GMFB: variants seen among roughly 807,000 people sequenced by gnomAD.
The protein encoded by GMFB is GMF-beta.
GMFB carries 13 observed loss-of-function variants against 25.6 expected under a neutral mutation model. The ratio of observed to expected loss-of-function variants is 0.51; its 90% confidence interval spans 0.33 to 0.81. The LOEUF is 0.81. Ranked by LOEUF, GMFB falls within the 30% of genes least tolerant of loss-of-function variation. GMFB has a pLI of 0.02. For synonymous variants in GMFB, 57 were observed against 56.9 expected, an observed-to-expected ratio of 1.00 and a Z score of 0.00; for missense variants, 146 against 175.4, an observed-to-expected ratio of 0.83 and a Z score of 0.95.
rs1180929740 is a variant in GMFB at position 54,476,179 on chromosome 14, G to A, written c.*1909C>T. On this transcript the variant is annotated 3_prime_UTR_variant, in exon 7 of 7. Transcript: ENST00000358056. ...CTTTGCTCCTGTTAAAGACAGTAGC[G>A]GAACTAAGAGTGCTAACGTATGGCA... 4.0e-5 allele frequency: 6 copies of A among 148,476 alleles called. No homozygotes were observed. The highest frequency in any genetic ancestry group is 2.1e-4 in the South Asian group (1 of 4,788). 9.2% of individuals were successfully genotyped at this position (148,476 alleles called of 1,614,324 possible).
Position 54,488,914 on chromosome 14 carries a change from C to G in GMFB, c.3+11G>C, listed in dbSNP as rs773296215. The G allele has an allele frequency of 6.4e-6, 10 of 1,561,858 alleles. No individual in the cohort carries two copies. In the South Asian group the frequency reaches 8.2e-5, roughly 13 times the overall value. ...AGCCCTCCGGCCCCCGCCCTCCCAGCGGCAACTCACCATTTTCCTTCCGGC... is the reference window on the plus strand; with the variant it reads ...AGCCCTCCGGCCCCCGCCCTCCCAGGGGCAACTCACCATTTTCCTTCCGGC... On this transcript the variant is annotated intron_variant, in intron 1 of 6. Coordinates refer to ENST00000358056, the MANE Select transcript of GMFB (RefSeq NM_004124.3).
intron 1 of GMFB, chr14:54,488,713 C>T: frequency 2.0e-6 from 1 of 499,978 alleles, no homozygotes; most frequent in Non-Finnish European, 3.5e-6. Flanking sequence ...GCGGGTCCAC[C>T]CCGGGCCCAG....
chr14:54,480,849 G>A lies in GMFB; in HGVS notation c.283+25C>T, dbSNP rs1453172163. The A allele has an allele frequency of 3.4e-6, 4 of 1,160,372 alleles. No homozygotes were observed. In the East Asian group the frequency reaches 9.5e-5, roughly 28 times the overall value. The allele number at this position is 1,160,372 out of a possible 1,614,324, so 71.9% of individuals were successfully genotyped here. ...GCTTAATTGGATCTAAGCCAAATAT[G>A]TGTTATTTAAAGAAATTCACTTACC... On this transcript the variant is annotated intron_variant, in intron 5 of 6. Coordinates refer to ENST00000358056, the MANE Select transcript of GMFB (RefSeq NM_004124.3).
intron 3 of GMFB, 117 bp from the exon 4 acceptor site, chr14:54,481,575 A>G: frequency 1.5e-6 from 1 of 669,834 alleles, no homozygotes; most frequent in Non-Finnish European, 2.7e-6. Flanking sequence ...GCTACAAAAT[A>G]AAATTTTATC....
chr14:54,488,861 C>T (rs374062015), intron 1 of GMFB, 64 bp downstream of exon 1: 2 of 1,463,930 alleles, frequency 1.4e-6, no homozygotes, highest in African/African-American at 1.5e-5. Flanking sequence ...CTCCGGAAAC[C>T]GGGAAAACCC....
chr14:54,483,583 T>C (rs1200385517), intron 2 of GMFB, 88 bp downstream of exon 2: 1 of 697,224 alleles, frequency 1.4e-6, no homozygotes, highest in East Asian at 2.6e-5. Context: ...GTAACATTGC[T>C]TTCCAACGGT....
chr14:54,480,363 T>G (rs1016762193), intron 5 of GMFB: 18 of 158,428 alleles, frequency 1.1e-4, no homozygotes, highest in Non-Finnish European at 1.9e-4. Flanking sequence ...GTGAATGCAG[T>G]TTTTATTGCA....
intron 6 of GMFB, chr14:54,478,712 C>A (rs1426169468): frequency 6.6e-6 from 1 of 152,064 alleles, no homozygotes; most frequent in East Asian, 1.9e-4. Context: ...AGATGTGAAT[C>A]CTAAGTCCTA....
chr14:54,482,287 C>A, intron 2 of GMFB, 85 bp from the exon 3 acceptor site: 1 of 797,712 alleles, frequency 1.3e-6, no homozygotes, highest in Non-Finnish European at 2.1e-6. Context: ...CCTTTTTTTT[C>A]GGACATCTAA....
At chr14:54,483,162 G>A (rs573982913) in intron 2 of GMFB, 3 of 153,912 alleles carry the variant, frequency 1.9e-5, no homozygotes, top group Admixed American at 6.4e-5. Flanking sequence ...ACAGTGGGAG[G>A]AGCAATATGC....
At chr14:54,484,732 A>C (rs149757072) in intron 1 of GMFB, among the ~76,000 whole-genome samples, 18 of 152,290 alleles carry the variant, frequency 1.2e-4, no homozygotes, top group South Asian at 8.3e-4. Flanking sequence ...ACAACAACAA[A>C]AAAAAACTAT....
chr14:54,480,783 T>C (rs59955412), intron 5 of GMFB, 91 bp downstream of exon 5: 164,471 of 695,542 alleles, frequency 0.24, 22,283 homozygotes, highest in African/African-American at 0.45. Flanking sequence ...TCAACAATGT[T>C]CATCTTTAAA....
Position 54,479,825 on chromosome 14 carries a change from TC to T in GMFB, c.317del (p.Gly106GlufsTer6). 1 of 1,605,772 alleles carries T rather than the reference TC, an allele frequency of 6.2e-7. No individual in the cohort carries two copies. The highest frequency in any genetic ancestry group is 8.5e-7 in the Non-Finnish European group (1 of 1,172,874). On this transcript the variant is annotated frameshift_variant, in exon 6 of 7. Transcript: ENST00000358056. LOFTEE classifies it high-confidence loss of function. ...CTGTCTGGACTAGCTTATTCTTACT[TC>T]CAGCATACATCATCTGTTGTTCAGG... ...CKPEQQMMYAGSKNKLVQTAE... is the reference protein window; with the variant it reads ...CKPEQQMMYAXSKNKLVQTAE...
At chr14:54,486,618 T>C (rs1035563973) in intron 1 of GMFB, among the ~76,000 whole-genome samples, 1 of 152,094 alleles carries the variant, frequency 6.6e-6, no homozygotes, top group Non-Finnish European at 1.5e-5. Flanking sequence ...TAGCAAAAAA[T>C]TCCCATTTAG....
intron 6 of GMFB, 168 bp from the exon 7 acceptor site, chr14:54,478,327 C>G (rs2031668022): frequency 2.4e-6 from 1 of 419,246 alleles, no homozygotes; most frequent in Non-Finnish European, 4.3e-6. Flanking sequence ...CATGACTTAA[C>G]CTGTGTAAAT....
intron 1 of GMFB, 95 bp downstream of exon 1, chr14:54,488,830 G>A (rs2031825789): frequency 2.8e-6 from 3 of 1,056,122 alleles, no homozygotes; most frequent in African/African-American, 1.7e-5. Context: ...AGCCCTCCTG[G>A]GCGCTGCCCG....
intron 6 of GMFB, chr14:54,479,440 T>A (rs887709618): frequency 5.7e-6 from 1 of 175,352 alleles, no homozygotes; most frequent in Non-Finnish European, 1.2e-5. Context: ...CATTTTAGAC[T>A]ATGGTAAAGG....
At position 54,477,857 on chromosome 14, in the gene GMFB, A is replaced by G. The variant is rs1294621409; in HGVS notation, c.*231T>C. 16 of 363,146 alleles carry G rather than the reference A, an allele frequency of 4.4e-5. No individual in the cohort carries two copies. 22.5% of individuals were successfully genotyped at this position (363,146 alleles called of 1,614,324 possible). On this transcript the variant is annotated 3_prime_UTR_variant, in exon 7 of 7. Coordinates refer to ENST00000358056, the MANE Select transcript of GMFB (RefSeq NM_004124.3). ...TCACAAGAGTGCAAAAAGTCCCTGG[A>G]GAAAAGTAGTCCACCTAACAATTAC...
chr14:54,478,031 C>G lies in GMFB; in HGVS notation c.*57G>C. 1.4e-6 allele frequency: 1 copy of G among 724,382 alleles called. No individual in the cohort carries two copies. Among genetic ancestry groups the G allele is most frequent in the South Asian group, 2.0e-5 (1 of 50,358 alleles). The allele number at this position is 724,382 out of a possible 1,614,324, so 44.9% of individuals were successfully genotyped here. A position where few individuals can be genotyped will look rare whatever the true frequency, so the allele number is the denominator to read the frequency against. On this transcript the variant is annotated 3_prime_UTR_variant, in exon 7 of 7. Coordinates refer to ENST00000358056, the MANE Select transcript of GMFB (RefSeq NM_004124.3). Reference sequence around the variant, plus strand: ...TTTAGGCATAAATAAGTATTTATGTCTGATTCCAGTATGGTCAGGTTAATA... The same window carrying G: ...TTTAGGCATAAATAAGTATTTATGTGTGATTCCAGTATGGTCAGGTTAATA...
Sources: allele counts gnomAD v4.1 joint callset (sites outside exome capture counted in the v4.1 genomes callset), GRCh38; gene constraint gnomAD v4.1.1; transcripts MANE v1.5; gene names NCBI Gene and HGNC (gene_info 2026-07-23, HGNC 2026-07-21).